Variants in SMOX observed in about 807,000 individuals in gnomAD.
The protein encoded by SMOX is spermine oxidase, also known as flavin containing amine oxidase.
In SMOX, 22 loss-of-function variants were observed where a neutral mutation model predicts 51.0. That is an observed-to-expected ratio of 0.43 (90% CI 0.31 to 0.62). The LOEUF (loss-of-function observed/expected upper bound fraction) is 0.62. Ranked by LOEUF, SMOX falls within the 20% of genes least tolerant of loss-of-function variation. The pLI, the probability that SMOX is intolerant of heterozygous loss-of-function variation, is 0.10. For missense variants in SMOX, 566 were observed against 777.7 expected, an observed-to-expected ratio of 0.73 and a Z score of 3.24; for synonymous variants, 282 against 307.8, an observed-to-expected ratio of 0.92 and a Z score of 0.88.
chr20:4,156,410 G>C (rs934394664), intron 1 of SMOX, among the ~76,000 whole-genome samples: 1 of 152,190 alleles, frequency 6.6e-6, no homozygotes, highest in African/African-American at 2.4e-5. Flanking sequence ...TGCAGAGAGA[G>C]AGATGCCAGG....
At chr20:4,163,096 GCCT>G (rs1312930674) in intron 1 of SMOX, among the ~76,000 whole-genome samples, 1 of 152,124 alleles carries the variant, frequency 6.6e-6, no homozygotes, top group Non-Finnish European at 1.5e-5. Flanking sequence ...GGCTGTCTCT[GCCT>G]CTTCCTCTCC....
Position 4,183,172 on chromosome 20 carries a change from A to G in SMOX, c.1370-322A>G. 1.8e-6 allele frequency: 1 copy of G among 565,902 alleles called. No homozygotes were observed. Among genetic ancestry groups the G allele is most frequent in the Non-Finnish European group, 3.1e-6 (1 of 319,760 alleles). 35.1% of individuals were successfully genotyped at this position (565,902 alleles called of 1,614,324 possible). On this transcript the variant is annotated intron_variant, in intron 5 of 6. Transcript: ENST00000305958. This position sits in a 1 kb window ranked among gnomAD's most constrained non-coding sequence, Gnocchi z 4.3. ...TTTACTCTCTGAGTCTTTCAGCTCA[A>G]CATTTTTCACCCACTATTCCAGGAG...
At chr20:4,173,484 A>G (rs909188999) in intron 1 of SMOX, among the ~76,000 whole-genome samples, 1 of 151,886 alleles carries the variant, frequency 6.6e-6, no homozygotes, top group Non-Finnish European at 1.5e-5. Flanking sequence ...CTGCTGATAG[A>G]CCCGTGGGGT....
chr20:4,171,662 CTGTT>C (rs1359980834), intron 1 of SMOX: 1 of 152,274 alleles, frequency 6.6e-6, no homozygotes, highest in Non-Finnish European at 1.5e-5. Flanking sequence ...TGTGCGATGT[CTGTT>C]TGAGTTCAAA....
intron 1 of SMOX, among the ~76,000 whole-genome samples, chr20:4,160,739 G>A (rs936837822): frequency 6.6e-6 from 1 of 152,214 alleles, no homozygotes; most frequent in Non-Finnish European, 1.5e-5. Context: ...AGAGGTATTT[G>A]TGCTGGAAAA....
intron 1 of SMOX, among the ~76,000 whole-genome samples, chr20:4,164,012 C>G (rs1319318911): frequency 1.3e-5 from 2 of 152,176 alleles, no homozygotes; most frequent in African/African-American, 4.8e-5. Flanking sequence ...AGGCTGGTGG[C>G]CACATAAATT....
intron 1 of SMOX, among the ~76,000 whole-genome samples, chr20:4,165,366 T>A (rs1986529744): frequency 6.6e-6 from 1 of 152,142 alleles, no homozygotes; most frequent in South Asian, 2.1e-4. Flanking sequence ...AGCTAACTTT[T>A]ACATTTTTAT....
intron 1 of SMOX, among the ~76,000 whole-genome samples, chr20:4,151,328 C>A (rs1350362750): frequency 6.6e-6 from 1 of 152,200 alleles, no homozygotes; most frequent in Non-Finnish European, 1.5e-5. Context: ...CTTCTCTGAT[C>A]TATTTTAGTA....
chr20:4,171,428 C>G (rs888393508), intron 1 of SMOX, among the ~76,000 whole-genome samples: 1 of 152,112 alleles, frequency 6.6e-6, no homozygotes, highest in African/African-American at 2.4e-5. Flanking sequence ...TCAGTTGGAC[C>G]ACAGGGTGTG....
chr20:4,170,233 C>G lies in SMOX; in HGVS notation c.-26-4797C>G, dbSNP rs1600811422. Among the ~76,000 whole-genome samples, 1 of 151,880 alleles carries G rather than the reference C, an allele frequency of 6.6e-6. No individual in the cohort carries two copies. Among genetic ancestry groups the G allele is most frequent in the African/African-American group, 2.4e-5 (1 of 41,294 alleles). ...GCTGTGGAGTTGCCATGGCTTGACC[C>G]GATGTATGAGGAGGGTCTCCCACTA... On this transcript the variant is annotated intron_variant, in intron 1 of 6. Coordinates refer to ENST00000305958, the MANE Select transcript of SMOX (RefSeq NM_175839.3). The surrounding 1 kb of genome is among the most constrained non-coding windows in gnomAD (Gnocchi z 4.6).
At chr20:4,171,589 T>C (rs956455442) in intron 1 of SMOX, 3 of 152,282 alleles carry the variant, frequency 2.0e-5, no homozygotes, top group African/African-American at 7.2e-5. Context: ...GACCGTGGGA[T>C]TAGCTGTGAG....
chr20:4,170,165 G>T lies in SMOX; in HGVS notation c.-26-4865G>T, dbSNP rs1277994472. ...CTCACATAGAGGAGGCGGGGTGGGG[G>T]GGTGCTTCTGGCGCAGTTGGGGGTG... On this transcript the variant is annotated intron_variant, in intron 1 of 6. Transcript: ENST00000305958. The surrounding 1 kb of genome is among the most constrained non-coding windows in gnomAD (Gnocchi z 4.6). Among the ~76,000 whole-genome samples the T allele has an allele frequency of 6.6e-6, 1 of 151,814 alleles. No homozygotes were observed. Among genetic ancestry groups the T allele is most frequent in the African/African-American group, 2.4e-5 (1 of 41,322 alleles).
Position 4,181,245 on chromosome 20 carries a change from C to T in SMOX, c.436-558C>T, listed in dbSNP as rs1180343582. On this transcript the variant is annotated intron_variant, in intron 3 of 6. Transcript: ENST00000305958. The surrounding 1 kb of genome is among the most constrained non-coding windows in gnomAD (Gnocchi z 5.6). ...TGCGTCTCAGCTTCCTTACTCGTGG[C>T]TGAGGCCTGAAGCAAAGGGGGTGCT... Among the ~76,000 whole-genome samples, 2 of 152,178 alleles carry T rather than the reference C, an allele frequency of 1.3e-5. No homozygotes were observed. The highest frequency in any genetic ancestry group is 4.8e-5 in the African/African-American group (2 of 41,446).
In SMOX at chr20:4,154,285, A is replaced by G. The variant is rs534610677; in HGVS notation, c.-27+5308A>G. Among the ~76,000 whole-genome samples, 5 of 152,338 alleles carry G rather than the reference A, an allele frequency of 3.3e-5. No homozygotes were observed. In the East Asian group the frequency reaches 7.7e-4, roughly 23 times the overall value. On this transcript the variant is annotated intron_variant, in intron 1 of 6. Coordinates refer to ENST00000305958, the MANE Select transcript of SMOX (RefSeq NM_175839.3). ...AAGTGCTTTTCAAACTTGAATGCACATAGATCACCTAGGCAGCTTGTTAAA... is the reference window on the plus strand; with the variant it reads ...AAGTGCTTTTCAAACTTGAATGCACGTAGATCACCTAGGCAGCTTGTTAAA...
At chr20:4,173,727 T>C (rs1281405351) in intron 1 of SMOX, among the ~76,000 whole-genome samples, 1 of 152,250 alleles carries the variant, frequency 6.6e-6, no homozygotes, top group African/African-American at 2.4e-5. Flanking sequence ...TACTGTTAGA[T>C]TCTGCAACTT....
At chr20:4,160,327 T>TG (rs1986245491) in intron 1 of SMOX, among the ~76,000 whole-genome samples, 1 of 152,026 alleles carries the variant, frequency 6.6e-6, no homozygotes, top group South Asian at 2.1e-4. Flanking sequence ...TATCAGTATG[T>TG]GGGGAGGAGT....
In SMOX at chr20:4,175,101, A is replaced by G. The variant is rs1978731573; in HGVS notation, c.46A>G (p.Ser16Gly). ...SSGDSADDPLSRGLRRRGQPR... is the reference protein window; with the variant it reads ...SSGDSADDPLGRGLRRRGQPR... ...TGGTGACAGTGCGGATGACCCTCTC[A>G]GTCGCGGCCTACGGAGAAGGGGACA... Residue 16 changes from serine (S) to glycine (G), a missense_variant, in exon 2 of 7, where the codon AGT (serine) becomes GGT (glycine). By Grantham distance (56) the Ser-to-Gly change is moderately conservative (BLOSUM62 0). Transcript: ENST00000305958. The G allele has an allele frequency of 6.2e-7, 1 of 1,614,212 alleles. No homozygotes were observed.
intron 1 of SMOX, among the ~76,000 whole-genome samples, chr20:4,156,135 C>A (rs1007530081): frequency 5.9e-5 from 9 of 152,188 alleles, no homozygotes; most frequent in Admixed American, 1.3e-4. Flanking sequence ...ATTCAGAATA[C>A]ATTTAAGAGA....
At chr20:4,164,802 G>C (rs1310189792) in intron 1 of SMOX, among the ~76,000 whole-genome samples, 2 of 152,136 alleles carry the variant, frequency 1.3e-5, no homozygotes, top group Non-Finnish European at 2.9e-5. Flanking sequence ...ACCATCGCCT[G>C]TTGGCCCTCC....
Sources: gnomAD v4.1 joint callset for allele counts (sites outside exome capture counted in the v4.1 genomes callset) on GRCh38, gnomAD v4.1.1 for gene constraint, Gnocchi (gnomAD v3.1) non-coding constraint, MANE v1.5 for transcripts, NCBI Gene and HGNC (gene_info 2026-07-23, HGNC 2026-07-21) for gene names.